THSD7A: variants seen among roughly 807,000 people sequenced by gnomAD.
The protein encoded by THSD7A is thrombospondin type-1 domain-containing protein 7A.
Under a neutral mutation model 231.3 loss-of-function variants are expected in THSD7A, and 96 were observed. That is an observed-to-expected ratio of 0.41 (90% CI 0.35 to 0.49). The LOEUF is 0.49. Ranked by LOEUF, THSD7A falls within the 20% of genes least tolerant of loss-of-function variation. THSD7A has a pLI of 0.05. For synonymous variants in THSD7A, 940 were observed against 743.3 expected, an observed-to-expected ratio of 1.26 and a Z score of -4.30; for missense variants, 2,290 against 2,070.2, an observed-to-expected ratio of 1.11 and a Z score of -2.06.
At chr7:11,656,835 T>C (rs746295564) in intron 1 of THSD7A, among the ~76,000 whole-genome samples, 1 of 151,878 alleles carries the variant, frequency 6.6e-6, no homozygotes, top group Non-Finnish European at 1.5e-5. Flanking sequence ...TTTTCTTTCA[T>C]GTATGTTATT....
At chr7:11,466,059 G>T in intron 9 of THSD7A, among the ~76,000 whole-genome samples, 1 of 152,174 alleles carries the variant, frequency 6.6e-6, no homozygotes, top group East Asian at 1.9e-4. Context: ...AACTCTTTTA[G>T]TTCTTCCTGG....
At chr7:11,741,778 T>C (rs1409014862) in intron 1 of THSD7A, among the ~76,000 whole-genome samples, 2 of 151,960 alleles carry the variant, frequency 1.3e-5, no homozygotes, top group Non-Finnish European at 2.9e-5. Flanking sequence ...TAAATTCCCA[T>C]ATTATCCACA....
chr7:11,510,342 T>A (rs978375334), intron 6 of THSD7A, among the ~76,000 whole-genome samples: 1 of 152,132 alleles, frequency 6.6e-6, no homozygotes, highest in African/African-American at 2.4e-5. Context: ...TTCTACCAGA[T>A]GTACAAAGAG....
intron 1 of THSD7A, among the ~76,000 whole-genome samples, chr7:11,756,189 C>T (rs1043535825): frequency 1.3e-5 from 2 of 152,006 alleles, no homozygotes; most frequent in Non-Finnish European, 2.9e-5. Context: ...TTACTAAAAG[C>T]CTGGAAATCC....
chr7:11,505,074 G>A (rs945591802), intron 6 of THSD7A, among the ~76,000 whole-genome samples: 11 of 152,038 alleles, frequency 7.2e-5, no homozygotes, highest in Non-Finnish European at 1.5e-4. Context: ...CATTTGGTTC[G>A]GTAGGAAGTT....
In THSD7A at chr7:11,559,366, T is replaced by C. The variant is rs563285720; in HGVS notation, c.1454-16249A>G. 9.2e-5 allele frequency among the ~76,000 whole-genome samples: 14 copies of C among 152,252 alleles called. No homozygotes were observed. The South Asian group carries it at 1.7e-3, about 18-fold the overall frequency. On this transcript the variant is annotated intron_variant, in intron 4 of 27. Transcript: ENST00000423059. ...CACACAGTTATAAATAATTGCAAGA[T>C]AGAAGACCTAAAATAGAAGACTATG...
intron 7 of THSD7A, among the ~76,000 whole-genome samples, chr7:11,480,909 A>T (rs564735583): frequency 1.2e-4 from 17 of 136,038 alleles, no homozygotes; most frequent in African/African-American, 4.4e-4. Flanking sequence ...ATAATTATTT[A>T]TCAGTGCTAA....
At chr7:11,603,355 A>G (rs1269472387) in intron 2 of THSD7A, among the ~76,000 whole-genome samples, 36 of 151,824 alleles carry the variant, frequency 2.4e-4, no homozygotes, top group African/African-American at 7.7e-4. Flanking sequence ...TTAGAATGGC[A>G]ATCATTAAAA....
At chr7:11,392,860 T>G (rs1490150080) in intron 23 of THSD7A, among the ~76,000 whole-genome samples, 1 of 152,170 alleles carries the variant, frequency 6.6e-6, no homozygotes, top group Non-Finnish European at 1.5e-5. Flanking sequence ...AGGGCATCTC[T>G]GAAAGAAAGG....
In THSD7A at chr7:11,411,067, G is replaced by C. The variant is rs1294640387; in HGVS notation, c.3798+140C>G. ...AGTGTTGGACATTGTGTCTTTTCAA[G>C]AACATACTTAGCCTGTGAACAGTGC... On this transcript the variant is annotated intron_variant, in intron 19 of 27. Transcript: ENST00000423059. The surrounding 1 kb of genome is among the most constrained non-coding windows in gnomAD (Gnocchi z 4.1). 3.3e-6 allele frequency: 2 copies of C among 598,650 alleles called. No homozygotes were observed. Among genetic ancestry groups the C allele is most frequent in the Admixed American group, 6.6e-5 (2 of 30,390 alleles). The allele number at this position is 598,650 out of a possible 1,614,324, so 37.1% of individuals were successfully genotyped here.
chr7:11,501,719 G>A (rs894309446), intron 6 of THSD7A, among the ~76,000 whole-genome samples: 2 of 152,082 alleles, frequency 1.3e-5, no homozygotes, highest in Non-Finnish European at 2.9e-5. Flanking sequence ...ACAACTGAAA[G>A]AATTAGAGAA....
At chr7:11,644,800 AT>A (rs1782218293) in intron 1 of THSD7A, among the ~76,000 whole-genome samples, 1 of 151,938 alleles carries the variant, frequency 6.6e-6, no homozygotes, top group Non-Finnish European at 1.5e-5. Context: ...TGGTTTCCTC[AT>A]TTTAAAAATA....
intron 1 of THSD7A, among the ~76,000 whole-genome samples, chr7:11,704,725 C>A (rs1780710152): frequency 6.6e-6 from 1 of 151,010 alleles, no homozygotes; most frequent in African/African-American, 2.4e-5. Context: ...TTTACTTCTT[C>A]TCCCCCAAAA....
intron 1 of THSD7A, among the ~76,000 whole-genome samples, chr7:11,823,330 G>C (rs1784927353): frequency 6.6e-6 from 1 of 151,900 alleles, no homozygotes; most frequent in Non-Finnish European, 1.5e-5. Flanking sequence ...TTTTATACTA[G>C]TACTATGCTG....
intron 1 of THSD7A, among the ~76,000 whole-genome samples, chr7:11,654,899 G>C (rs535487425): frequency 1.0e-3 from 156 of 152,012 alleles, no homozygotes; most frequent in Non-Finnish European, 1.7e-3. Context: ...AATAAACTAA[G>C]GCAAATGTTC....
chr7:11,800,902 C>G (rs543345308), intron 1 of THSD7A, among the ~76,000 whole-genome samples: 7 of 152,270 alleles, frequency 4.6e-5, no homozygotes, highest in African/African-American at 1.4e-4. Flanking sequence ...CACACATACA[C>G]ACACACACAA....
chr7:11,820,243 T>G, intron 1 of THSD7A: 1 of 381,550 alleles, frequency 2.6e-6, no homozygotes. Flanking sequence ...TTGAGGTTCC[T>G]CTGTTTAGCT....
intron 23 of THSD7A, among the ~76,000 whole-genome samples, chr7:11,395,486 C>A (rs997125824): frequency 6.6e-6 from 1 of 151,118 alleles, no homozygotes; most frequent in African/African-American, 2.4e-5. Flanking sequence ...TAGACTTCTA[C>A]AAAACTCTCC....
chr7:11,693,699 A>T (rs1389312823), intron 1 of THSD7A, among the ~76,000 whole-genome samples: 1 of 151,516 alleles, frequency 6.6e-6, no homozygotes, highest in African/African-American at 2.4e-5. Context: ...TCTAGAAATC[A>T]AGGTTAGCAA....
Sources: gnomAD v4.1 joint callset for allele counts (sites outside exome capture counted in the v4.1 genomes callset) on GRCh38, gnomAD v4.1.1 for gene constraint, Gnocchi (gnomAD v3.1) non-coding constraint, MANE v1.5 for transcripts, NCBI Gene and HGNC (gene_info 2026-07-23, HGNC 2026-07-21) for gene names.